The following FAM20C variants were observed in gnomAD, a reference collection of about 807,000 sequenced individuals.
The protein encoded by FAM20C is extracellular serine/threonine protein kinase FAM20C.
Under a neutral mutation model 51.5 loss-of-function variants are expected in FAM20C, and 40 were observed. The ratio of observed to expected loss-of-function variants is 0.78; its 90% CI spans 0.60 to 1.01. The LOEUF is 1.01. Among genes scored for constraint, FAM20C ranks in the 50% least tolerant of loss-of-function variants. The pLI, the probability that FAM20C is intolerant of heterozygous loss-of-function variation, is 0.00. For synonymous variants in FAM20C, 406 were observed against 380.6 expected (o/e 1.07, Z -0.78); for missense variants, 861 against 844.7 (o/e 1.02, Z -0.24).
At chr7:207,809 C>T (rs1317804600) in intron 2 of FAM20C, among the ~76,000 whole-genome samples, 1 of 152,052 alleles carries the variant, frequency 6.6e-6, no homozygotes, top group Non-Finnish European at 1.5e-5. Context: ...AGCTTAGCTC[C>T]CGGGGCTGCC....
chr7:194,015 C>G lies in FAM20C; in HGVS notation c.605+211C>G, dbSNP rs559145656. 7.5e-5 allele frequency: 56 copies of G among 743,006 alleles called. 1 individual carries two copies. The South Asian group carries it at 1.7e-3, about 23-fold the overall frequency. The allele number at this position is 743,006 out of a possible 1,614,324, so 46.0% of individuals were successfully genotyped here. Reference sequence around the variant, plus strand: ...GAGGGGCTGCCGGCTGGTCCGGGAGCTGTGCCCTGTGGCTGCTGGTGAGGA... The same window carrying G: ...GAGGGGCTGCCGGCTGGTCCGGGAGGTGTGCCCTGTGGCTGCTGGTGAGGA... On this transcript the variant is annotated intron_variant, in intron 1 of 9. Transcript: ENST00000313766.
chr7:207,865 C>T (rs559462874), intron 2 of FAM20C, among the ~76,000 whole-genome samples: 1 of 152,244 alleles, frequency 6.6e-6, no homozygotes, highest in Non-Finnish European at 1.5e-5. Flanking sequence ...CCCCCCGGAG[C>T]CCCCTTCCTT....
chr7:210,873 C>T (rs544119659), intron 3 of FAM20C, among the ~76,000 whole-genome samples: 2 of 152,254 alleles, frequency 1.3e-5, no homozygotes, highest in South Asian at 2.1e-4. Flanking sequence ...CCAGGCCCTG[C>T]GGGAACCGGC....
intron 2 of FAM20C, among the ~76,000 whole-genome samples, chr7:206,636 G>A (rs1007480212): frequency 6.8e-6 from 1 of 146,210 alleles, no homozygotes; most frequent in African/African-American, 2.6e-5. Context: ...CCTCGGCCCC[G>A]CACACGTGTC....
intron 2 of FAM20C, among the ~76,000 whole-genome samples, chr7:207,894 A>C (rs950649632): frequency 1.3e-5 from 2 of 152,224 alleles, no homozygotes; most frequent in African/African-American, 4.8e-5. Context: ...GCAAAAAGGA[A>C]ATCCCGAGGT....
chr7:227,472 T>C (rs1483352866), intron 3 of FAM20C: 2 of 123,014 alleles, frequency 1.6e-5, no homozygotes, highest in African/African-American at 1.1e-4. Flanking sequence ...CTTACTGATG[T>C]TTTTTTTAAA....
chr7:248,155 C>T (rs535062850), intron 4 of FAM20C, among the ~76,000 whole-genome samples, 160 bp from the exon 5 acceptor site: 9 of 152,264 alleles, frequency 5.9e-5, no homozygotes, highest in African/African-American at 2.2e-4. Flanking sequence ...GCAGAGCCAC[C>T]GGACCTAGGG....
intron 3 of FAM20C, among the ~76,000 whole-genome samples, chr7:220,503 G>A (rs530078071): frequency 2.0e-5 from 3 of 150,696 alleles, no homozygotes; most frequent in Non-Finnish European, 2.9e-5. Flanking sequence ...TGGCAGAGAC[G>A]GGCTTGGTGA....
At chr7:214,620 C>G (rs1371719444) in intron 3 of FAM20C, among the ~76,000 whole-genome samples, 1 of 152,152 alleles carries the variant, frequency 6.6e-6, no homozygotes, top group Non-Finnish European at 1.5e-5. Flanking sequence ...TGACTGAGTG[C>G]CCTCACCTCC....
intron 5 of FAM20C, among the ~76,000 whole-genome samples, chr7:250,590 C>T (rs1401822902): frequency 2.6e-5 from 4 of 152,140 alleles, no homozygotes; most frequent in African/African-American, 7.2e-5. Context: ...GGGGCTGAAA[C>T]TCGCCTCCCC....
chr7:256,999 CCG>C lies in FAM20C; in HGVS notation c.1364-4_1364-3del, dbSNP rs1014764557. On this transcript the variant is annotated splice_region_variant and splice_polypyrimidine_tract_variant and intron_variant, in intron 7 of 9. Coordinates refer to ENST00000313766, the MANE Select transcript of FAM20C (RefSeq NM_020223.4). ...GAGCTGTGACACTTTCTGCCTCTCT[CCG>C]CAGGAAACATGGACCGTCACCACTA... 7 of 1,536,938 alleles carry C rather than the reference CCG, an allele frequency of 4.6e-6. No individual in the cohort carries two copies. In the African/African-American group the frequency reaches 9.6e-5, roughly 21 times the overall value.
At chr7:227,796 T>A (rs1278966645) in intron 3 of FAM20C, 1 of 152,320 alleles carries the variant, frequency 6.6e-6, no homozygotes, top group Non-Finnish European at 1.5e-5. Context: ...GCTTTTGAAA[T>A]AAAGTCTAAA....
intron 3 of FAM20C, chr7:228,788 C>T (rs78002367): frequency 0.054 from 24,500 of 456,152 alleles, 950 homozygotes; most frequent in African/African-American, 0.13. Context: ...CTCACGGCTC[C>T]TGCTGACGGC....
chr7:193,972 G>A (rs1785724409), intron 1 of FAM20C, 168 bp downstream of exon 1: 33 of 1,087,742 alleles, frequency 3.0e-5, no homozygotes, highest in Non-Finnish European at 3.9e-5. Context: ...TTTGTCTCCA[G>A]AATAACCTCC....
At chr7:210,293 G>A (rs967544448) in intron 3 of FAM20C, among the ~76,000 whole-genome samples, 2 of 152,022 alleles carry the variant, frequency 1.3e-5, no homozygotes, top group African/African-American at 4.8e-5. Context: ...AGCCTCCTTG[G>A]GCCTCTCGTG....
Position 205,235 on chromosome 7 carries a change from T to A in FAM20C, c.785-3663T>A, listed in dbSNP as rs55654598. 5.2e-5 allele frequency among the ~76,000 whole-genome samples: 3 copies of A among 57,448 alleles called. 1 individual carries two copies. The highest frequency in any genetic ancestry group is 1.8e-4 in the Admixed American group (1 of 5,562). 37.7% of individuals were successfully genotyped at this position (57,448 alleles called of 152,430 possible). On this transcript the variant is annotated intron_variant, in intron 2 of 9. Coordinates refer to ENST00000313766, the MANE Select transcript of FAM20C (RefSeq NM_020223.4). The stretch of plus-strand genomic sequence containing the variant: ...GTCTTCCCACAGCCTCCCGAGTAGC[T>A]GGGACCACAGACACGCACCACCACG...
At chr7:218,430 C>T (rs1787103563) in intron 3 of FAM20C, among the ~76,000 whole-genome samples, 1 of 152,248 alleles carries the variant, frequency 6.6e-6, no homozygotes, top group Non-Finnish European at 1.5e-5. Flanking sequence ...TCGGGTGTGG[C>T]CCCTCTGACG....
At chr7:249,898 C>T (rs373999473) in intron 5 of FAM20C, among the ~76,000 whole-genome samples, 15 of 152,302 alleles carry the variant, frequency 9.8e-5, no homozygotes, top group African/African-American at 3.4e-4. Context: ...CTACCTGTCC[C>T]GGACTCGGTC....
chr7:234,610 C>T (rs1252193249), intron 3 of FAM20C, among the ~76,000 whole-genome samples: 20 of 152,186 alleles, frequency 1.3e-4, no homozygotes, highest in Non-Finnish European at 2.5e-4. Flanking sequence ...TCTGTGGTCC[C>T]CGGCACCATC....
Sources: gnomAD v4.1 joint callset for allele counts (sites outside exome capture counted in the v4.1 genomes callset) on GRCh38, gnomAD v4.1.1 for gene constraint, MANE v1.5 for transcripts, NCBI Gene and HGNC (gene_info 2026-07-23, HGNC 2026-07-21) for gene names.